Variants in PCDHGA5 observed in about 807,000 individuals in gnomAD.
The protein encoded by PCDHGA5 is protocadherin gamma subfamily A, 5, also known as protocadherin gamma-A5.
Under a neutral mutation model 56.7 loss-of-function variants are expected in PCDHGA5, and 36 were observed. The observed-to-expected ratio is 0.64, with a 90% CI of 0.49 to 0.84. The LOEUF is 0.84. Ranked by LOEUF, PCDHGA5 falls within the 40% of genes least tolerant of loss-of-function variation. The pLI is 0.00. For missense variants in PCDHGA5, 1,305 were observed against 1,201.5 expected (o/e 1.09, Z -1.27); for synonymous variants, 563 against 520.2 (o/e 1.08, Z -1.12).
intron 2 of PCDHGA5, among the ~76,000 whole-genome samples, chr5:141,498,555 C>T (rs2099784323): frequency 6.6e-6 from 1 of 152,032 alleles, no homozygotes; most frequent in South Asian, 2.1e-4. Flanking sequence ...GACACACCAG[C>T]TTCAAAGCAG....
chr5:141,383,378 CAG>C (rs1561596110), intron 1 of PCDHGA5: 1 of 1,614,002 alleles, frequency 6.2e-7, no homozygotes, highest in Non-Finnish European at 8.5e-7. Flanking sequence ...GCTGGGGATC[CAG>C]ATGTGGGCAC....
chr5:141,474,169 T>C (rs1268235616), intron 1 of PCDHGA5, among the ~76,000 whole-genome samples: 2 of 152,232 alleles, frequency 1.3e-5, no homozygotes, highest in Non-Finnish European at 2.9e-5. Context: ...GGCCTTATTA[T>C]TGAGAAAACT....
chr5:141,465,979 G>A (rs779605313), intron 1 of PCDHGA5, among the ~76,000 whole-genome samples: 9 of 151,846 alleles, frequency 5.9e-5, no homozygotes, highest in Non-Finnish European at 1.3e-4. Flanking sequence ...AAAATTAGCC[G>A]GGCATGGTGG....
rs760572189 is a variant in PCDHGA5 at position 141,477,159 on chromosome 5, A to G, written c.2422-17648A>G. ...GTGGAGGTTGTGGATGTGAATGACA[A>G]CGCCCCGGAGATCACAGTCACCTCC... is the stretch of plus-strand genomic sequence containing the variant. On this transcript the variant is annotated intron_variant, in intron 1 of 3. Transcript: ENST00000518069. The surrounding 1 kb of genome is among the most constrained non-coding windows in gnomAD (Gnocchi z 4.9). The G allele has an allele frequency of 1.7e-5, 28 of 1,613,854 alleles. No individual in the cohort carries two copies. In the South Asian group the frequency reaches 3.1e-4, roughly 18 times the overall value.
intron 1 of PCDHGA5, among the ~76,000 whole-genome samples, chr5:141,433,594 G>A (rs1331681563): frequency 1.3e-5 from 2 of 152,086 alleles, no homozygotes; most frequent in Admixed American, 1.3e-4. Context: ...CCAGTACTTT[G>A]GGAGGCCGAG....
At chr5:141,392,584 C>T (rs1252723609) in intron 1 of PCDHGA5, 1 of 473,072 alleles carries the variant, frequency 2.1e-6, no homozygotes, top group African/African-American at 2.0e-5. Context: ...CTGTAAGCGC[C>T]GCTGTTCACC....
chr5:141,376,269 G>A, intron 1 of PCDHGA5: 2 of 1,614,224 alleles, frequency 1.2e-6, no homozygotes, highest in South Asian at 1.1e-5. Context: ...CAGGCTTCGG[G>A]AGGTGGCTTA....
Position 141,511,252 on chromosome 5 carries a change from G to C in PCDHGA5, c.*79G>C. 6.4e-7 allele frequency: 1 copy of C among 1,568,260 alleles called. No homozygotes were observed. The highest frequency in any genetic ancestry group is 8.6e-7 in the Non-Finnish European group (1 of 1,157,002). On this transcript the variant is annotated 3_prime_UTR_variant, in exon 4 of 4. Coordinates refer to ENST00000518069, the MANE Select transcript of PCDHGA5 (RefSeq NM_018918.3). ...TCTCCTTACCTGCACCCAGGCCTCA[G>C]AGTTTCAGGGCTAACCCCCAGAATA... is the stretch of plus-strand genomic sequence containing the variant.
chr5:141,429,858 A>T (rs1183727412), intron 1 of PCDHGA5, among the ~76,000 whole-genome samples: 1 of 152,192 alleles, frequency 6.6e-6, no homozygotes, highest in East Asian at 1.9e-4. Context: ...CATTCTTTGG[A>T]CTACCAATTT....
In PCDHGA5 at chr5:141,364,822, G is replaced by GA; in HGVS notation, c.494dup (p.Asn165LysfsTer23). 6.2e-7 allele frequency: 1 copy of GA among 1,614,010 alleles called. No individual in the cohort carries two copies. The highest frequency in any genetic ancestry group is 8.5e-7 in the Non-Finnish European group (1 of 1,179,898). On this transcript the variant is annotated frameshift_variant, in exon 1 of 4. Coordinates refer to ENST00000518069, the MANE Select transcript of PCDHGA5 (RefSeq NM_018918.3). LOFTEE classifies it high-confidence loss of function. ...TCGCGCGGGATGCGGATGTGGGTGT[G>GA]AACTCTCTCCGGAGTTACCAGCTCA...
chr5:141,370,833 C>G (rs1305609320), intron 1 of PCDHGA5: 2 of 1,614,064 alleles, frequency 1.2e-6, no homozygotes. Context: ...CGAACTGGCT[C>G]TCACTGGAGC....
intron 1 of PCDHGA5, chr5:141,410,320 C>G (rs752279818): frequency 8.1e-6 from 13 of 1,613,880 alleles, no homozygotes; most frequent in African/African-American, 2.7e-5. Context: ...TCCTCCTCGC[C>G]GTGATTCTGG....
intron 1 of PCDHGA5, chr5:141,374,444 G>T: frequency 6.2e-7 from 1 of 1,613,848 alleles, no homozygotes; most frequent in Non-Finnish European, 8.5e-7. Context: ...TCCCGTGGAA[G>T]TGGAAATAGT....
rs778271895 is a variant in PCDHGA5 at position 141,404,140 on chromosome 5, T to C, written c.2421+37389T>C. ...AGAATCTATCTTTTACATTAGAAAA[T>C]TCAGAAGAAGATTATTACAGATTGT... On this transcript the variant is annotated intron_variant, in intron 1 of 3. Coordinates refer to ENST00000518069, the MANE Select transcript of PCDHGA5 (RefSeq NM_018918.3). The C allele has an allele frequency of 8.1e-6, 13 of 1,612,934 alleles. No homozygotes were observed. The South Asian group carries it at 1.3e-4, about 16-fold the overall frequency.
intron 1 of PCDHGA5, among the ~76,000 whole-genome samples, chr5:141,425,497 CT>C (rs2096879671): frequency 6.6e-6 from 1 of 152,164 alleles, no homozygotes; most frequent in African/African-American, 2.4e-5. Context: ...TAGGCTATAC[CT>C]TTATATTCTC....
intron 1 of PCDHGA5, chr5:141,409,789 G>T: frequency 6.2e-7 from 1 of 1,612,036 alleles, no homozygotes; most frequent in Non-Finnish European, 8.5e-7. Context: ...GCGCCTTCGC[G>T]CTCACGCTGC....
chr5:141,436,600 G>C (rs1054182433), intron 1 of PCDHGA5, among the ~76,000 whole-genome samples: 2 of 152,154 alleles, frequency 1.3e-5, no homozygotes, highest in African/African-American at 2.4e-5. Context: ...CGTGGTGATG[G>C]CTAGGGCTAA....
intron 3 of PCDHGA5, 125 bp downstream of exon 3, chr5:141,505,606 C>G: frequency 6.5e-7 from 1 of 1,528,642 alleles, no homozygotes; most frequent in Non-Finnish European, 8.8e-7. Flanking sequence ...TTCGGCAGGT[C>G]TGAAAGGACC....
chr5:141,405,527 C>T (rs1055420196), intron 1 of PCDHGA5: 7 of 670,510 alleles, frequency 1.0e-5, no homozygotes, highest in Non-Finnish European at 1.8e-5. Flanking sequence ...TCAAGCGATT[C>T]TCCTGCCTCA....
Sources: gnomAD v4.1 joint callset for allele counts (sites outside exome capture counted in the v4.1 genomes callset) on GRCh38, gnomAD v4.1.1 for gene constraint, Gnocchi (gnomAD v3.1) non-coding constraint, MANE v1.5 for transcripts, NCBI Gene and HGNC (gene_info 2026-07-23, HGNC 2026-07-21) for gene names.